The following GC variants were observed in gnomAD, a reference collection of about 807,000 sequenced individuals.
GC encodes the protein GC vitamin D binding protein.
In GC, 43 loss-of-function variants were observed where a neutral mutation model predicts 56.7. The observed-to-expected ratio is 0.76, with a 90% CI of 0.59 to 0.98. The LOEUF (loss-of-function observed/expected upper bound fraction) is 0.98. Among genes scored for constraint, GC ranks in the 50% least tolerant of loss-of-function variants. GC has a pLI of 0.00. For missense variants in GC, 529 were observed against 545.9 expected, an observed-to-expected ratio of 0.97 and a Z score of 0.31; for synonymous variants, 216 against 202.7, an observed-to-expected ratio of 1.07 and a Z score of -0.56.
intron 2 of GC, 86 bp downstream of exon 2, chr4:71,769,245 A>T: frequency 3.1e-6 from 3 of 962,228 alleles, no homozygotes; most frequent in Non-Finnish European, 4.9e-6. Flanking sequence ...TTAAGGATTA[A>T]CCTCCATGCT....
chr4:71,795,801 T>G (rs1210784512), intron 1 of GC, among the ~76,000 whole-genome samples: 1 of 152,216 alleles, frequency 6.6e-6, no homozygotes, highest in African/African-American at 2.4e-5. Context: ...GAACCAGTTG[T>G]TCCTTTCCAT....
At chr4:71,775,267 C>G (rs1001383196) in intron 1 of GC, among the ~76,000 whole-genome samples, 3 of 151,790 alleles carry the variant, frequency 2.0e-5, no homozygotes, top group African/African-American at 7.3e-5. Flanking sequence ...AAGATCATGT[C>G]TAAATTTTTA....
At position 71,758,071 on chromosome 4, in the gene GC, A is replaced by G; in HGVS notation, c.802T>C (p.Ser268Pro). The G allele has an allele frequency of 2.5e-6, 4 of 1,613,566 alleles. No individual in the cohort carries two copies. Among genetic ancestry groups the G allele is most frequent in the Non-Finnish European group, 3.4e-6 (4 of 1,179,582 alleles). Residue 268 changes from serine to proline, a missense_variant, in exon 7 of 13, where the codon TCT becomes CCT. Physicochemically the swap from Ser to Pro is moderately conservative, Grantham distance 74. Coordinates refer to ENST00000273951, the MANE Select transcript of GC (RefSeq NM_000583.4). Reference protein sequence around the residue: ...ITNILSKCCESASEDCMAKEL... With the variant: ...ITNILSKCCEPASEDCMAKEL... The stretch of plus-strand genomic sequence containing the variant: ...TTGGCCATGCAATCTTCAGAGGCAG[A>G]CTCACAGCATTTGGAGAGGATGTTA...
At chr4:71,774,540 G>A (rs189753686) in intron 1 of GC, among the ~76,000 whole-genome samples, 44 of 151,936 alleles carry the variant, frequency 2.9e-4, no homozygotes, top group African/African-American at 1.0e-3. Context: ...TTTTGGGATG[G>A]GTAAAGGTGA....
At chr4:71,799,490 G>T (rs950874363) in intron 1 of GC, among the ~76,000 whole-genome samples, 13 of 152,174 alleles carry the variant, frequency 8.5e-5, no homozygotes, top group Non-Finnish European at 1.5e-4. Flanking sequence ...CCTTGGGCAT[G>T]ACACTGCTGA....
At chr4:71,755,178 T>TTTATTTATTTATTTA (rs1560693077) in intron 8 of GC, 71 bp from the exon 9 acceptor site, 21 of 56,354 alleles carry the variant, frequency 3.7e-4, no homozygotes, top group Non-Finnish European at 5.4e-4. Context: ...TTATTTATTT[T>TTTATTTATTTATTTA]TTGTGACAGA....
chr4:71,799,561 C>T (rs1743198383), intron 1 of GC, among the ~76,000 whole-genome samples: 2 of 152,132 alleles, frequency 1.3e-5, no homozygotes, highest in African/African-American at 4.8e-5. Context: ...AGAGGTAAGC[C>T]AGGGGGACCT....
In GC at chr4:71,750,778, G is replaced by A. The variant is rs141578537; in HGVS notation, c.1395+1740C>T. Among the ~76,000 whole-genome samples, 11 of 152,100 alleles carry A rather than the reference G, an allele frequency of 7.2e-5. No homozygotes were observed. The East Asian group carries it at 1.7e-3, about 24-fold the overall frequency. ...TGGGCACCTATAATACCAGCTACTC[G>A]GGAGGCTGAGGCAGGAGAATCACTT... On this transcript the variant is annotated intron_variant, in intron 11 of 12. Coordinates refer to ENST00000273951, the MANE Select transcript of GC (RefSeq NM_000583.4).
At position 71,741,801 on chromosome 4, in the gene GC, C is replaced by T. The variant is rs1167080178; in HGVS notation, c.*95G>A. ...AGTAGAAAGTATCCTAGTTGTCTTC[C>T]CAGAAGCTCAGTGGTTTTGCTTAGG... On this transcript the variant is annotated 3_prime_UTR_variant, in exon 13 of 13. Transcript: ENST00000273951. 4.3e-6 allele frequency: 3 copies of T among 702,380 alleles called. No homozygotes were observed. The highest frequency in any genetic ancestry group is 7.8e-6 in the Non-Finnish European group (3 of 384,816). 43.5% of individuals were successfully genotyped at this position (702,380 alleles called of 1,614,324 possible).
In GC at chr4:71,783,986, C is replaced by G. The variant is rs753270688; in HGVS notation, c.33G>C (p.Val11=). ...CTCTCTCTAAAGCATGTCCAAATGC[C>G]ACAGCAAGCAGTAGTACCAGGACCC... MKRVLVLLLA[V]AFGHALERGR... Residue 11 remains valine (V), a synonymous_variant, in exon 1 of 13, where the codon GTG becomes GTC. Coordinates refer to ENST00000273951, the MANE Select transcript of GC (RefSeq NM_000583.4). The G allele has an allele frequency of 1.2e-6, 2 of 1,600,952 alleles. No individual in the cohort carries two copies. The highest frequency in any genetic ancestry group is 8.5e-7 in the Non-Finnish European group (1 of 1,172,554).
intron 1 of GC, among the ~76,000 whole-genome samples, chr4:71,778,925 G>GATTATTATTAT: frequency 3.1e-5 from 1 of 32,298 alleles, no homozygotes; most frequent in African/African-American, 1.2e-4. Context: ...ATTATTATTG[G>GATTATTATTAT]CTAAATCCAG....
At chr4:71,745,334 T>G (rs1741331399) in intron 12 of GC, among the ~76,000 whole-genome samples, 1 of 152,196 alleles carries the variant, frequency 6.6e-6, no homozygotes, top group Non-Finnish European at 1.5e-5. Flanking sequence ...TTTTACAGCT[T>G]CAGAGGATTT....
At chr4:71,759,035 T>C (rs137923047) in intron 6 of GC, among the ~76,000 whole-genome samples, 1 of 152,332 alleles carries the variant, frequency 6.6e-6, no homozygotes, top group African/African-American at 2.4e-5. Flanking sequence ...AATTGTACAG[T>C]ATTTGTCCTT....
intron 12 of GC, among the ~76,000 whole-genome samples, chr4:71,744,217 C>T (rs147069174): frequency 0.082 from 12,190 of 148,580 alleles, 1,228 homozygotes; most frequent in African/African-American, 0.24. Flanking sequence ...CCGAGGCGGG[C>T]GGATCACGAG....
intron 6 of GC, among the ~76,000 whole-genome samples, chr4:71,761,171 C>A (rs1741962199): frequency 6.6e-6 from 1 of 152,102 alleles, no homozygotes; most frequent in Non-Finnish European, 1.5e-5. Flanking sequence ...GCGATATGGA[C>A]AATAAGGTCC....
intron 1 of GC, among the ~76,000 whole-genome samples, chr4:71,780,421 AG>A (rs1307760554): frequency 1.3e-5 from 2 of 152,158 alleles, no homozygotes; most frequent in Non-Finnish European, 2.9e-5. Flanking sequence ...GCACAGCAAA[AG>A]AAACTACCAT....
At chr4:71,784,255 T>C (rs528962835), upstream of GC, 29 of 1,210,620 alleles carry the variant, frequency 2.4e-5, no homozygotes, top group African/African-American at 4.4e-4. Flanking sequence ...GGGGATACTG[T>C]AGTGGAAAAT....
intron 1 of GC, among the ~76,000 whole-genome samples, chr4:71,770,274 C>T (rs544190883): frequency 2.6e-4 from 40 of 152,190 alleles, no homozygotes; most frequent in African/African-American, 7.2e-4. Context: ...AGCAAGAGAG[C>T]GAGCTGGCTA....
intron 12 of GC, among the ~76,000 whole-genome samples, chr4:71,745,640 C>T (rs1407186278): frequency 1.3e-5 from 2 of 150,306 alleles, no homozygotes; most frequent in African/African-American, 5.0e-5. Context: ...TGTGAACTTA[C>T]GTTGGAATAA....
Sources: allele counts gnomAD v4.1 joint callset (sites outside exome capture counted in the v4.1 genomes callset), GRCh38; gene constraint gnomAD v4.1.1; transcripts MANE v1.5; gene names NCBI Gene and HGNC (gene_info 2026-07-23, HGNC 2026-07-21).